The following HS6ST3 variants were observed in gnomAD, a reference collection of about 807,000 sequenced individuals.
HS6ST3 encodes the protein heparan sulfate 6-O-sulfotransferase 3.
In HS6ST3, 12 loss-of-function variants were observed where a neutral mutation model predicts 36.7. The observed-to-expected ratio is 0.33, with a 90% CI of 0.21 to 0.53. HS6ST3 has a LOEUF of 0.53. HS6ST3 is among the 20% of genes least tolerant of loss of function. HS6ST3 has a pLI of 0.95. For synonymous variants in HS6ST3, 240 were observed against 257.5 expected, an observed-to-expected ratio of 0.93 and a Z score of 0.65; for missense variants, 584 against 640.9, an observed-to-expected ratio of 0.91 and a Z score of 0.96.
At chr13:96,358,549 A>T (rs2055221199) in intron 1 of HS6ST3, among the ~76,000 whole-genome samples, 1 of 152,178 alleles carries the variant, frequency 6.6e-6, no homozygotes, top group Non-Finnish European at 1.5e-5. Context: ...AAACACACAA[A>T]AAAAGCAGAG....
chr13:96,787,400 G>A (rs1482096835), intron 1 of HS6ST3, among the ~76,000 whole-genome samples: 1 of 151,890 alleles, frequency 6.6e-6, no homozygotes, highest in Non-Finnish European at 1.5e-5. Flanking sequence ...CCCAGCATTT[G>A]TCATTATCTT....
intron 1 of HS6ST3, among the ~76,000 whole-genome samples, chr13:96,596,322 A>G (rs919437573): frequency 6.6e-6 from 1 of 152,140 alleles, no homozygotes; most frequent in African/African-American, 2.4e-5. Flanking sequence ...GTGTATATAC[A>G]TGCTGTGTGT....
intron 1 of HS6ST3, among the ~76,000 whole-genome samples, chr13:96,322,628 A>G (rs1285658163): frequency 6.6e-6 from 1 of 152,204 alleles, no homozygotes; most frequent in African/African-American, 2.4e-5. Context: ...TTCTCCTATG[A>G]AAAGAAAATA....
At chr13:96,500,509 A>G (rs1354341567) in intron 1 of HS6ST3, among the ~76,000 whole-genome samples, 1 of 152,172 alleles carries the variant, frequency 6.6e-6, no homozygotes, top group Non-Finnish European at 1.5e-5. Flanking sequence ...AAGGGAGCCA[A>G]AGGTATACGT....
intron 1 of HS6ST3, among the ~76,000 whole-genome samples, chr13:96,814,030 G>A (rs1488022405): frequency 1.3e-5 from 2 of 152,004 alleles, no homozygotes; most frequent in South Asian, 2.1e-4. Flanking sequence ...TATTCAATCC[G>A]TGAATTCTGG....
At chr13:96,184,692 A>C (rs190887735) in intron 1 of HS6ST3, among the ~76,000 whole-genome samples, 1 of 152,050 alleles carries the variant, frequency 6.6e-6, no homozygotes, top group Admixed American at 6.5e-5. Flanking sequence ...TCCTGTCTCA[A>C]ATATGGCCTC....
At chr13:96,699,141 A>C (rs1236526012) in intron 1 of HS6ST3, among the ~76,000 whole-genome samples, 2 of 152,316 alleles carry the variant, frequency 1.3e-5, no homozygotes, top group Non-Finnish European at 2.9e-5. Context: ...TAAAACCATA[A>C]AAACCCTAGA....
At chr13:96,394,182 T>A (rs2055409361) in intron 1 of HS6ST3, among the ~76,000 whole-genome samples, 1 of 152,190 alleles carries the variant, frequency 6.6e-6, no homozygotes, top group Admixed American at 6.5e-5. Flanking sequence ...ACCAGATGTC[T>A]GGTTGTAGCT....
intron 1 of HS6ST3, among the ~76,000 whole-genome samples, chr13:96,674,381 A>G (rs980936855): frequency 2.0e-5 from 3 of 152,138 alleles, no homozygotes; most frequent in African/African-American, 7.2e-5. Flanking sequence ...TCTTTATAAC[A>G]ATGCAAGAAC....
intron 1 of HS6ST3, among the ~76,000 whole-genome samples, chr13:96,416,975 C>T (rs1289683857): frequency 6.6e-6 from 1 of 152,090 alleles, no homozygotes; most frequent in African/African-American, 2.4e-5. Flanking sequence ...TGGTCTCGAT[C>T]TCTAGACCTT....
intron 1 of HS6ST3, among the ~76,000 whole-genome samples, chr13:96,826,744 C>A (rs866615341): frequency 6.6e-6 from 1 of 152,110 alleles, no homozygotes; most frequent in South Asian, 2.1e-4. Flanking sequence ...CGCCTTACAG[C>A]AGAACAAGAT....
At chr13:96,661,266 G>C (rs983289894) in intron 1 of HS6ST3, among the ~76,000 whole-genome samples, 1 of 152,054 alleles carries the variant, frequency 6.6e-6, no homozygotes, top group African/African-American at 2.4e-5. Flanking sequence ...TTGTATTTTG[G>C]TCTATCTCCT....
intron 1 of HS6ST3, among the ~76,000 whole-genome samples, chr13:96,580,879 TG>T (rs1158269788): frequency 6.6e-6 from 1 of 152,122 alleles, no homozygotes; most frequent in East Asian, 1.9e-4. Flanking sequence ...CTTCCTAAAA[TG>T]ATTGAAAATT....
intron 1 of HS6ST3, among the ~76,000 whole-genome samples, chr13:96,796,222 T>C (rs1877903155): frequency 6.6e-6 from 1 of 152,046 alleles, no homozygotes; most frequent in South Asian, 2.1e-4. Flanking sequence ...CTTATTTGAA[T>C]GGGAAAAGGG....
intron 1 of HS6ST3, among the ~76,000 whole-genome samples, chr13:96,114,941 T>C (rs531830652): frequency 1.3e-5 from 2 of 152,316 alleles, no homozygotes; most frequent in African/African-American, 4.8e-5. Flanking sequence ...GCAATCAGTT[T>C]TTGACTGAAT....
intron 1 of HS6ST3, among the ~76,000 whole-genome samples, chr13:96,390,773 A>G (rs2055391419): frequency 6.6e-6 from 1 of 152,148 alleles, no homozygotes; most frequent in African/African-American, 2.4e-5. Flanking sequence ...GTGCTAGTCC[A>G]GGCTGTATCA....
At position 96,833,083 on chromosome 13, in the gene HS6ST3, G is replaced by A. The variant is rs755071265; in HGVS notation, c.1301G>A (p.Arg434Gln). 61 of 1,610,770 alleles carry A rather than the reference G, an allele frequency of 3.8e-5. No homozygotes were observed. Among genetic ancestry groups the A allele is most frequent in the African/African-American group, 6.7e-5 (5 of 74,934 alleles). ...QLEHQRDRQKRREERRLQREH... is the reference protein window; with the variant it reads ...QLEHQRDRQKQREERRLQREH... ...GAGCACCAGAGGGACCGCCAGAAGC[G>A]GCGGGAGGAGCGGAGGCTGCAGCGA... Residue 434 changes from arginine (R) to glutamine (Q), a missense_variant, in exon 2 of 2, where the codon CGG (arginine) becomes CAG (glutamine). By Grantham distance (43) the Arg-to-Gln change is conservative (BLOSUM62 1). Transcript: ENST00000376705.
chr13:96,731,151 A>G (rs1424140257), intron 1 of HS6ST3, among the ~76,000 whole-genome samples: 1 of 152,244 alleles, frequency 6.6e-6, no homozygotes, highest in East Asian at 1.9e-4. Context: ...ATCATTAACT[A>G]TAGTCACTAT....
intron 1 of HS6ST3, among the ~76,000 whole-genome samples, chr13:96,350,698 C>T (rs1005689672): frequency 1.3e-5 from 2 of 152,146 alleles, no homozygotes; most frequent in African/African-American, 2.4e-5. Flanking sequence ...GCTTTCTTTC[C>T]TCCACATGGA....
Sources: allele counts gnomAD v4.1 joint callset (sites outside exome capture counted in the v4.1 genomes callset), GRCh38; gene constraint gnomAD v4.1.1; transcripts MANE v1.5; gene names NCBI Gene and HGNC (gene_info 2026-07-23, HGNC 2026-07-21).